Variants in CCNY observed in about 807,000 individuals in gnomAD.
The protein encoded by CCNY is cyclin-Y.
In CCNY, 19 loss-of-function variants were observed where a neutral mutation model predicts 42.8. That is an observed-to-expected ratio of 0.44 (90% CI 0.31 to 0.65). CCNY has a LOEUF of 0.65. Among genes scored for constraint, CCNY ranks in the 30% least tolerant of loss-of-function variants. The pLI is 0.07. For missense variants in CCNY, 370 were observed against 437.3 expected (o/e 0.85, Z 1.37); for synonymous variants, 165 against 162.7 (o/e 1.01, Z -0.11).
Position 35,549,439 on chromosome 10 carries a change from C to T in CCNY, c.580-3580C>T, listed in dbSNP as rs1022485618. Among the ~76,000 whole-genome samples, 30 of 145,918 alleles carry T rather than the reference C, an allele frequency of 2.1e-4. No individual in the cohort carries two copies. In the East Asian group the frequency reaches 2.8e-3, roughly 13 times the overall value. On this transcript the variant is annotated intron_variant, in intron 7 of 9. Transcript: ENST00000374704. Reference sequence around the variant, plus strand: ...TGACCCTACAGTGCTCGTGACCCTGCGCTGCTCATGACACATGACCCTACA... The same window carrying T: ...TGACCCTACAGTGCTCGTGACCCTGTGCTGCTCATGACACATGACCCTACA...
intron 5 of CCNY, among the ~76,000 whole-genome samples, chr10:35,529,748 T>C (rs1371936255): frequency 6.6e-6 from 1 of 151,740 alleles, no homozygotes; most frequent in East Asian, 1.9e-4. Flanking sequence ...TGTGTGCCTG[T>C]AATCCCAGCT....
At chr10:35,252,292 G>A (rs949478878) in intron 3 of CCNY, among the ~76,000 whole-genome samples, 9 of 152,218 alleles carry the variant, frequency 5.9e-5, no homozygotes, top group African/African-American at 1.4e-4. Context: ...CTGGCCGGGC[G>A]CGGTGGCTCA....
chr10:35,284,143 A>G (rs1938278669), intron 3 of CCNY, among the ~76,000 whole-genome samples: 1 of 152,172 alleles, frequency 6.6e-6, no homozygotes, highest in Middle Eastern at 3.2e-3. Context: ...TTTACAGATC[A>G]TAAACTGTAC....
At chr10:35,332,090 G>A (rs1010325511), upstream of CCNY, among the ~76,000 whole-genome samples, 1 of 152,236 alleles carries the variant, frequency 6.6e-6, no homozygotes, top group Non-Finnish European at 1.5e-5. Flanking sequence ...ACTGTGGACT[G>A]CCTACTACCA....
chr10:35,357,041 T>C (rs1180242359), intron 1 of CCNY, among the ~76,000 whole-genome samples: 1 of 152,190 alleles, frequency 6.6e-6, no homozygotes, highest in East Asian at 1.9e-4. Context: ...TCTGTACAGA[T>C]GTTCTTCCTT....
chr10:35,315,243 T>G (rs996785248), intron 3 of CCNY: 1 of 152,192 alleles, frequency 6.6e-6, no homozygotes, highest in African/African-American at 2.4e-5. Flanking sequence ...AGTTATCTTT[T>G]CTGATCTTCT....
intron 7 of CCNY, among the ~76,000 whole-genome samples, chr10:35,536,612 A>C (rs1840892058): frequency 6.6e-6 from 1 of 152,154 alleles, no homozygotes; most frequent in African/African-American, 2.4e-5. Flanking sequence ...CCTTAGATGG[A>C]GATGAGGAAC....
intron 1 of CCNY, among the ~76,000 whole-genome samples, chr10:35,458,775 C>T (rs1589134314): frequency 6.6e-6 from 1 of 152,230 alleles, no homozygotes; most frequent in East Asian, 1.9e-4. Context: ...TGCTCCCACG[C>T]CTGCCCATGC....
At chr10:35,282,908 A>C (rs1366753970) in intron 3 of CCNY, among the ~76,000 whole-genome samples, 1 of 152,104 alleles carries the variant, frequency 6.6e-6, no homozygotes, top group Non-Finnish European at 1.5e-5. Flanking sequence ...TACGGTGCCC[A>C]AGCTTAGTGC....
At chr10:35,375,895 A>G (rs1837041575) in intron 1 of CCNY, among the ~76,000 whole-genome samples, 1 of 152,182 alleles carries the variant, frequency 6.6e-6, no homozygotes, top group South Asian at 2.1e-4. Flanking sequence ...GGTGAGAAGT[A>G]AAAAAGGGTG....
At chr10:35,360,568 C>T (rs1437862560) in intron 1 of CCNY, among the ~76,000 whole-genome samples, 1 of 152,024 alleles carries the variant, frequency 6.6e-6, no homozygotes, top group African/African-American at 2.4e-5. Flanking sequence ...AGGTGTGAGT[C>T]ACTGTGCTCT....
At chr10:35,531,687 T>C (rs529026914) in intron 7 of CCNY, among the ~76,000 whole-genome samples, 7 of 152,338 alleles carry the variant, frequency 4.6e-5, no homozygotes, top group Admixed American at 1.3e-4. Context: ...ATACATGCCA[T>C]GAGGAAGGAT....
At chr10:35,278,199 T>C (rs11010152) in intron 3 of CCNY, among the ~76,000 whole-genome samples, 64,291 of 151,900 alleles carry the variant, frequency 0.42, 14,472 homozygotes, top group African/African-American at 0.57. Context: ...ATCCTATCAT[T>C]AGGGACTGTC....
chr10:35,497,740 A>T (rs540711704), intron 2 of CCNY, among the ~76,000 whole-genome samples: 81 of 152,084 alleles, frequency 5.3e-4, no homozygotes, highest in African/African-American at 1.7e-3. Context: ...AAAAAAAAAA[A>T]AAAAAAAAAT....
chr10:35,272,458 A>C (rs758569022), intron 3 of CCNY, among the ~76,000 whole-genome samples: 2 of 151,892 alleles, frequency 1.3e-5, no homozygotes, highest in Non-Finnish European at 2.9e-5. Context: ...CCTTCACCTC[A>C]CACCCTTTGT....
At chr10:35,390,905 T>C (rs994897206) in intron 1 of CCNY, among the ~76,000 whole-genome samples, 3 of 152,184 alleles carry the variant, frequency 2.0e-5, no homozygotes, top group African/African-American at 2.4e-5. Flanking sequence ...AGGGCCCTGC[T>C]GAGTTGGGGC....
At chr10:35,252,004 T>C (rs1037060962) in intron 3 of CCNY, among the ~76,000 whole-genome samples, 1 of 152,158 alleles carries the variant, frequency 6.6e-6, no homozygotes, top group African/African-American at 2.4e-5. Flanking sequence ...ATAGGCTTTG[T>C]AGACTAACAG....
At chr10:35,444,570 A>G (rs1191899309) in intron 1 of CCNY, among the ~76,000 whole-genome samples, 1 of 152,194 alleles carries the variant, frequency 6.6e-6, no homozygotes, top group African/African-American at 2.4e-5. Context: ...CTGGCAGCAC[A>G]GTAGGTTTGT....
At chr10:35,426,105 G>GCACACACACACACACA (rs1356511719) in intron 1 of CCNY, among the ~76,000 whole-genome samples, 4 of 57,970 alleles carry the variant, frequency 6.9e-5, no homozygotes, top group Non-Finnish European at 8.2e-5. Context: ...CACTGGTCCA[G>GCACACACACACACACA]CACGCGCACA....
Sources: gnomAD v4.1 joint callset for allele counts (sites outside exome capture counted in the v4.1 genomes callset) on GRCh38, gnomAD v4.1.1 for gene constraint, MANE v1.5 for transcripts, NCBI Gene and HGNC (gene_info 2026-07-23, HGNC 2026-07-21) for gene names.